FAXC: variants seen among roughly 807,000 people sequenced by gnomAD.
FAXC encodes failed axon connections homolog, metaxin like GST domain containing, also known as failed axon connections homolog.
Under a neutral mutation model 41.9 loss-of-function variants are expected in FAXC, and 10 were observed. That is an observed-to-expected ratio of 0.24 (90% CI 0.15 to 0.41). FAXC has a LOEUF of 0.41. Among genes scored for constraint, FAXC ranks in the 10% least tolerant of loss-of-function variants. The pLI is 1.00. For missense variants in FAXC, 399 were observed against 510.9 expected (o/e 0.78, Z 2.11); for synonymous variants, 183 against 183.8 (o/e 1.00, Z 0.03).
chr6:99,331,823 G>C (rs1773036632), intron 3 of FAXC, among the ~76,000 whole-genome samples: 1 of 152,230 alleles, frequency 6.6e-6, no homozygotes, highest in African/African-American at 2.4e-5. Context: ...TAGTAAGCAA[G>C]TGTGATGGGC....
chr6:99,320,331 C>A (rs897237681), intron 4 of FAXC, among the ~76,000 whole-genome samples: 3 of 152,096 alleles, frequency 2.0e-5, no homozygotes, highest in Non-Finnish European at 4.4e-5. Flanking sequence ...ATCATATTTT[C>A]TATTCTAACT....
At chr6:99,330,068 C>T (rs1488479360) in intron 3 of FAXC, among the ~76,000 whole-genome samples, 2 of 151,806 alleles carry the variant, frequency 1.3e-5, no homozygotes, top group African/African-American at 4.8e-5. Flanking sequence ...CCATGTTGCC[C>T]AGGGTGGTCT....
At chr6:99,346,868 G>A (rs1190309423) in intron 1 of FAXC, among the ~76,000 whole-genome samples, 3 of 152,188 alleles carry the variant, frequency 2.0e-5, no homozygotes, top group Admixed American at 6.5e-5. Flanking sequence ...AATAAATGCA[G>A]TCACACATGC....
At chr6:99,306,283 GGA>G (rs1332418240) in intron 4 of FAXC, among the ~76,000 whole-genome samples, 1 of 152,208 alleles carries the variant, frequency 6.6e-6, no homozygotes, top group African/African-American at 2.4e-5. Flanking sequence ...AAATGAGACT[GGA>G]GAGGTCAGGC....
At chr6:99,318,697 C>A (rs1185279684) in intron 4 of FAXC, among the ~76,000 whole-genome samples, 1 of 152,200 alleles carries the variant, frequency 6.6e-6, no homozygotes, top group East Asian at 1.9e-4. Flanking sequence ...GCAGTAAGTA[C>A]TTTACAGAAA....
At chr6:99,332,370 C>T (rs1470913763) in intron 3 of FAXC, among the ~76,000 whole-genome samples, 1 of 152,140 alleles carries the variant, frequency 6.6e-6, no homozygotes, top group Non-Finnish European at 1.5e-5. Flanking sequence ...ATGCCAAAAA[C>T]AATGGGCTTA....
intron 4 of FAXC, among the ~76,000 whole-genome samples, chr6:99,315,232 TA>T (rs1174982279): frequency 5.2e-4 from 21 of 40,510 alleles, no homozygotes; most frequent in Non-Finnish European, 7.3e-4. Flanking sequence ...CACTCCATCT[TA>T]AAAAAAAAAA....
At chr6:99,313,226 A>G (rs1306677913) in intron 4 of FAXC, among the ~76,000 whole-genome samples, 1 of 152,244 alleles carries the variant, frequency 6.6e-6, no homozygotes, top group African/African-American at 2.4e-5. Context: ...CCAGGAGATC[A>G]AGGCTTCAGT....
At chr6:99,292,818 C>CTT (rs1039644869) in intron 4 of FAXC, among the ~76,000 whole-genome samples, 1 of 151,946 alleles carries the variant, frequency 6.6e-6, no homozygotes, top group Non-Finnish European at 1.5e-5. Context: ...CTTCCTAAGA[C>CTT]TTTTTTTTGA....
At chr6:99,299,811 G>A (rs1481188313) in intron 4 of FAXC, among the ~76,000 whole-genome samples, 1 of 152,056 alleles carries the variant, frequency 6.6e-6, no homozygotes. Context: ...TAATATGTAA[G>A]ACAAGCCACT....
At chr6:99,313,339 T>G (rs1772218661) in intron 4 of FAXC, among the ~76,000 whole-genome samples, 1 of 152,212 alleles carries the variant, frequency 6.6e-6, no homozygotes, top group African/African-American at 2.4e-5. Context: ...TTTTAATATA[T>G]TTATTCATCA....
intron 2 of FAXC, among the ~76,000 whole-genome samples, chr6:99,339,436 G>A (rs1417438190): frequency 6.6e-6 from 1 of 152,204 alleles, no homozygotes; most frequent in African/African-American, 2.4e-5. Flanking sequence ...CCCAGGCAGA[G>A]AAGTTGGCAT....
chr6:99,297,059 A>T (rs1287641229), intron 4 of FAXC, among the ~76,000 whole-genome samples: 1 of 152,148 alleles, frequency 6.6e-6, no homozygotes, highest in Non-Finnish European at 1.5e-5. Context: ...TCTTACCCAG[A>T]CTTGAGTTCA....
intron 3 of FAXC, among the ~76,000 whole-genome samples, chr6:99,331,423 G>A (rs955682689): frequency 6.6e-6 from 1 of 152,100 alleles, no homozygotes. Context: ...GTATCAGCTC[G>A]GGGCTGGTGA....
At chr6:99,300,010 C>A (rs904655770) in intron 4 of FAXC, among the ~76,000 whole-genome samples, 1 of 152,064 alleles carries the variant, frequency 6.6e-6, no homozygotes, top group Non-Finnish European at 1.5e-5. Flanking sequence ...CTAGATACTC[C>A]TTTAATTTTT....
chr6:99,324,127 CATTA>C (rs1331123863), intron 3 of FAXC, among the ~76,000 whole-genome samples: 1 of 151,206 alleles, frequency 6.6e-6, no homozygotes, highest in East Asian at 1.9e-4. Context: ...GCTTGGTGTT[CATTA>C]ATTAAGCTGC....
At chr6:99,349,988 C>T (rs995667377), upstream of FAXC, 1 of 152,196 alleles carries the variant, frequency 6.6e-6, no homozygotes, top group South Asian at 2.1e-4. Context: ...TCCCGCGGGC[C>T]CCAGAGTAGG....
intron 2 of FAXC, among the ~76,000 whole-genome samples, chr6:99,336,092 T>A (rs994318316): frequency 2.0e-5 from 3 of 151,964 alleles, no homozygotes; most frequent in Non-Finnish European, 2.9e-5. Context: ...TAAAAAAAAA[T>A]TTTACAGACA....
chr6:99,320,540 C>G (rs913773425), intron 4 of FAXC, among the ~76,000 whole-genome samples: 1 of 152,198 alleles, frequency 6.6e-6, no homozygotes, highest in Non-Finnish European at 1.5e-5. Context: ...ATTCATCCCC[C>G]ACAACATCAA....
Sources: gnomAD v4.1 joint callset for allele counts (sites outside exome capture counted in the v4.1 genomes callset) on GRCh38, gnomAD v4.1.1 for gene constraint, MANE v1.5 for transcripts, NCBI Gene and HGNC (gene_info 2026-07-23, HGNC 2026-07-21) for gene names.